The following DDX60 variants were observed in gnomAD, a reference collection of about 807,000 sequenced individuals.
DDX60 encodes the protein probable ATP-dependent RNA helicase DDX60.
DDX60 carries 165 observed loss-of-function variants against 212.8 expected under a neutral mutation model. The observed-to-expected ratio is 0.78, with a 90% CI of 0.68 to 0.88. The LOEUF (loss-of-function observed/expected upper bound fraction) is 0.88. DDX60 is among the 40% of genes least tolerant of loss of function. DDX60 has a pLI of 0.00. For missense variants in DDX60, 1,905 were observed against 2,003.9 expected (o/e 0.95, Z 0.94); for synonymous variants, 703 against 685.3 (o/e 1.03, Z -0.40).
At chr4:168,269,588 G>A (rs777619456) in intron 19 of DDX60, among the ~76,000 whole-genome samples, 3 of 151,570 alleles carry the variant, frequency 2.0e-5, no homozygotes, top group East Asian at 1.9e-4. Flanking sequence ...GCAACAGAGC[G>A]AGACTCCATC....
intron 25 of DDX60, among the ~76,000 whole-genome samples, chr4:168,259,646 A>G (rs1041381584): frequency 6.6e-6 from 1 of 151,180 alleles, no homozygotes; most frequent in Non-Finnish European, 1.5e-5. Flanking sequence ...CAAAGTAAAT[A>G]GAGTATTGTG....
At chr4:168,275,632 T>A (rs962969942) in intron 15 of DDX60, 129 bp from the exon 16 acceptor site, 8 of 788,912 alleles carry the variant, frequency 1.0e-5, no homozygotes, top group South Asian at 8.7e-5. Context: ...TTAAATTTTT[T>A]AAATCATTGT....
At chr4:168,268,751 T>A (rs1170036457) in intron 20 of DDX60, 103 bp downstream of exon 20, 2 of 616,902 alleles carry the variant, frequency 3.2e-6, no homozygotes, top group Admixed American at 3.5e-5. Flanking sequence ...ACTATTAAAT[T>A]CACTAGAAAA....
chr4:168,221,809 C>G lies in DDX60; in HGVS notation c.4897G>C (p.Gly1633Arg), dbSNP rs61731353. 3.9e-5 allele frequency: 63 copies of G among 1,613,150 alleles called. No individual in the cohort carries two copies. The African/African-American group carries it at 7.8e-4, about 20-fold the overall frequency. ...VLLSQKFDNRGRKMSLNAYAL... is the reference protein window; with the variant it reads ...VLLSQKFDNRRRKMSLNAYAL... ...TAGGCATTAAGCGACATTTTCCTTC[C>G]TCGGTTATCAAATTTCTGTGACAAC... is the stretch of plus-strand genomic sequence containing the variant. Residue 1633 changes from glycine (G) to arginine (R), a missense_variant, in exon 36 of 38, where the codon GGA becomes CGA. Gly to Arg is a moderately radical substitution (Grantham distance 125). Transcript: ENST00000393743.
Position 168,274,076 on chromosome 4 carries a change from A to C in DDX60, c.2312T>G (p.Leu771Arg). ...DFIPDTWQRE[L>R]LDVVDKNESA... is the part of the protein sequence containing the mutation. ...CTCATTCTTATCCACAACATCAAGG[A>C]GCTCTCGCTGCAGGGTGCAGAGTAC... Residue 771 changes from leucine to arginine, a missense_variant, in exon 17 of 38, where the codon CTC becomes CGC. Leu to Arg is a moderately radical substitution (Grantham distance 102). Coordinates refer to ENST00000393743, the MANE Select transcript of DDX60 (RefSeq NM_017631.6). 6.2e-7 allele frequency: 1 copy of C among 1,614,150 alleles called. No homozygotes were observed. The highest frequency in any genetic ancestry group is 8.5e-7 in the Non-Finnish European group (1 of 1,179,990).
intron 35 of DDX60, among the ~76,000 whole-genome samples, chr4:168,223,012 A>G (rs1264158488): frequency 6.6e-6 from 1 of 152,120 alleles, no homozygotes; most frequent in African/African-American, 2.4e-5. Flanking sequence ...AGTGACTTTC[A>G]GGTGACTGCA....
chr4:168,298,425 A>C (rs953151055), intron 6 of DDX60, among the ~76,000 whole-genome samples: 1 of 152,228 alleles, frequency 6.6e-6, no homozygotes, highest in Non-Finnish European at 1.5e-5. Flanking sequence ...GGAAACTAAA[A>C]GAGAGCAGAA....
intron 30 of DDX60, among the ~76,000 whole-genome samples, chr4:168,243,573 G>C (rs2149500143): frequency 6.6e-6 from 1 of 152,260 alleles, no homozygotes; most frequent in Non-Finnish European, 1.5e-5. Context: ...GCACTAATCA[G>C]AATGGCAATT....
intron 28 of DDX60, among the ~76,000 whole-genome samples, chr4:168,249,055 A>C (rs113328650): frequency 0.065 from 9,892 of 152,210 alleles, 466 homozygotes; most frequent in East Asian, 0.15. Context: ...CCACTGCGCC[A>C]GGCCCAGTAA....
intron 20 of DDX60, 70 bp from the exon 21 acceptor site, chr4:168,268,053 A>T: frequency 7.5e-7 from 1 of 1,328,772 alleles, no homozygotes; most frequent in Non-Finnish European, 1.0e-6. Context: ...AAGTAGTTTA[A>T]GTAAAGACAA....
At chr4:168,226,637 C>T (rs1733265186) in intron 33 of DDX60, among the ~76,000 whole-genome samples, 1 of 152,056 alleles carries the variant, frequency 6.6e-6, no homozygotes, top group African/African-American at 2.4e-5. Flanking sequence ...GGGTATCCAT[C>T]ACTTCAAGCA....
At chr4:168,260,630 A>G (rs1000480453) in intron 25 of DDX60, among the ~76,000 whole-genome samples, 2 of 152,162 alleles carry the variant, frequency 1.3e-5, no homozygotes, top group Non-Finnish European at 2.9e-5. Context: ...CATAAGGAGC[A>G]TGCAACCTAG....
chr4:168,245,996 A>G (rs1734007349), intron 30 of DDX60, among the ~76,000 whole-genome samples: 1 of 152,182 alleles, frequency 6.6e-6, no homozygotes, highest in African/African-American at 2.4e-5. Flanking sequence ...CATTTCCCAC[A>G]TACTCCTAAG....
chr4:168,268,469 C>T (rs1024473405), intron 20 of DDX60, among the ~76,000 whole-genome samples: 2 of 152,010 alleles, frequency 1.3e-5, no homozygotes, highest in Non-Finnish European at 2.9e-5. Flanking sequence ...TAAGAATTTG[C>T]TATCTTTCTA....
At chr4:168,262,462 A>G (rs142947004) in intron 23 of DDX60, among the ~76,000 whole-genome samples, 3 of 132,758 alleles carry the variant, frequency 2.3e-5, no homozygotes, top group Admixed American at 1.7e-4. Flanking sequence ...AAAGATTTCA[A>G]AAAAAAAAAA....
chr4:168,291,639 C>T, intron 8 of DDX60, 109 bp downstream of exon 8: 1 of 963,192 alleles, frequency 1.0e-6, no homozygotes, highest in Non-Finnish European at 1.4e-6. Context: ...ACTTTTATAG[C>T]CCCCAAGGGG....
chr4:168,298,406 C>A (rs1283130548), intron 6 of DDX60, among the ~76,000 whole-genome samples: 1 of 152,124 alleles, frequency 6.6e-6, no homozygotes, highest in African/African-American at 2.4e-5. Flanking sequence ...ATAATTCTAT[C>A]AGGTAAATGG....
Position 168,224,318 on chromosome 4 carries a change from TCTTC to T in DDX60, c.4745_4748del (p.Gly1582GlufsTer2). The T allele has an allele frequency of 6.2e-7, 1 of 1,612,392 alleles. No individual in the cohort carries two copies. The highest frequency in any genetic ancestry group is 1.1e-5 in the South Asian group (1 of 91,034). On this transcript the variant is annotated frameshift_variant, in exon 35 of 38. Transcript: ENST00000393743. LOFTEE classifies it high-confidence loss of function. The stretch of plus-strand genomic sequence containing the variant: ...GACAAACAAATGGTGAAATTGCTAC[TCTTC>T]CTTCCTTGCAGCTCATCAAATGAGA...
At chr4:168,261,496 A>C (rs1172661162) in intron 24 of DDX60, among the ~76,000 whole-genome samples, 2 of 152,232 alleles carry the variant, frequency 1.3e-5, no homozygotes. Context: ...ATCTGTGCCA[A>C]TAAATCAAAT....
Sources: gnomAD v4.1 joint callset for allele counts (sites outside exome capture counted in the v4.1 genomes callset) on GRCh38, gnomAD v4.1.1 for gene constraint, MANE v1.5 for transcripts, NCBI Gene and HGNC (gene_info 2026-07-23, HGNC 2026-07-21) for gene names.